Variants in RAB3GAP1 observed in about 807,000 individuals in gnomAD.
RAB3GAP1 encodes the protein RAB3 GTPase activating protein catalytic subunit 1.
A neutral mutation model predicts 130.7 loss-of-function variants in RAB3GAP1; 86 were observed. That is an observed-to-expected ratio of 0.66 (90% CI 0.55 to 0.79). The LOEUF is 0.79. RAB3GAP1 is among the 30% of genes least tolerant of loss of function. The probability of loss-of-function intolerance (pLI) is 0.00; values close to 1 mark genes in which losing one functional copy is unlikely to be tolerated. For synonymous variants in RAB3GAP1, 367 were observed against 401.7 expected, an observed-to-expected ratio of 0.91 and a Z score of 1.03; for missense variants, 1,029 against 1,169.4, an observed-to-expected ratio of 0.88 and a Z score of 1.75.
At chr2:135,105,924 C>A (rs1246249467) in intron 5 of RAB3GAP1, among the ~76,000 whole-genome samples, 1 of 151,340 alleles carries the variant, frequency 6.6e-6, no homozygotes, top group Non-Finnish European at 1.5e-5. Flanking sequence ...CCCGGCCGCC[C>A]CGTCTGAGAA....
chr2:135,133,657 T>C (rs1213492728), intron 14 of RAB3GAP1, among the ~76,000 whole-genome samples: 4 of 152,200 alleles, frequency 2.6e-5, no homozygotes, highest in African/African-American at 9.6e-5. Context: ...TATAGCTTTA[T>C]CTTTTTTAAT....
chr2:135,160,193 A>G (rs1355834809), intron 19 of RAB3GAP1, among the ~76,000 whole-genome samples: 8 of 152,220 alleles, frequency 5.3e-5, no homozygotes, highest in Admixed American at 5.2e-4. Flanking sequence ...AAATCTGAAT[A>G]CAGTATGGAA....
At chr2:135,070,595 C>T (rs1689442023) in intron 3 of RAB3GAP1, among the ~76,000 whole-genome samples, 1 of 152,098 alleles carries the variant, frequency 6.6e-6, no homozygotes, top group South Asian at 2.1e-4. Flanking sequence ...GCAACCTCTG[C>T]CTCCCAGGTT....
intron 2 of RAB3GAP1, among the ~76,000 whole-genome samples, chr2:135,053,719 A>G (rs183888323): frequency 1.4e-4 from 21 of 152,350 alleles, no homozygotes; most frequent in Middle Eastern, 3.4e-3. Flanking sequence ...GTCCAGAGCT[A>G]TATACAAAGG....
At chr2:135,091,395 ATAAG>A (rs1050125033) in intron 4 of RAB3GAP1, among the ~76,000 whole-genome samples, 2 of 152,170 alleles carry the variant, frequency 1.3e-5, no homozygotes, top group African/African-American at 2.4e-5. Flanking sequence ...GATAAGATAG[ATAAG>A]TAAGTAACCA....
intron 22 of RAB3GAP1, among the ~76,000 whole-genome samples, chr2:135,164,016 G>A (rs1219069028): frequency 6.6e-6 from 1 of 152,194 alleles, no homozygotes; most frequent in African/African-American, 2.4e-5. Flanking sequence ...TAGTGAGCAG[G>A]TGGTGCAGGT....
intron 5 of RAB3GAP1, among the ~76,000 whole-genome samples, chr2:135,112,506 A>G (rs1237159894): frequency 2.6e-5 from 4 of 152,128 alleles, no homozygotes; most frequent in Non-Finnish European, 5.9e-5. Flanking sequence ...AAAGTGTGAA[A>G]CCAGAAGAAA....
intron 18 of RAB3GAP1, among the ~76,000 whole-genome samples, chr2:135,151,483 G>C (rs1232462536): frequency 6.6e-6 from 1 of 152,198 alleles, no homozygotes; most frequent in African/African-American, 2.4e-5. Context: ...GCAGATTTAA[G>C]TGACAATAAA....
intron 7 of RAB3GAP1, among the ~76,000 whole-genome samples, chr2:135,118,539 T>A (rs985835568): frequency 2.0e-5 from 3 of 152,186 alleles, no homozygotes; most frequent in Admixed American, 1.3e-4. Flanking sequence ...GACTGTTGAT[T>A]TGGATATTTG....
rs748966815 is a variant in RAB3GAP1, at chr2:135,133,935, C to CA, written c.1403dup (p.Asn468LysfsTer20). 6.2e-7 allele frequency: 1 copy of CA among 1,613,844 alleles called. No individual in the cohort carries two copies. The highest frequency in any genetic ancestry group is 2.2e-5 in the East Asian group (1 of 44,860). Reference sequence around the variant, plus strand: ...AACTGGCTTTGTGTCTCTGTATGATCAATTTTTACCATGGAGGGTTGAAAG... The same window carrying CA: ...AACTGGCTTTGTGTCTCTGTATGATCAAATTTTTACCATGGAGGGTTGAAAG... On this transcript the variant is annotated frameshift_variant, in exon 15 of 24. Coordinates refer to ENST00000264158, the MANE Select transcript of RAB3GAP1 (RefSeq NM_012233.3). LOFTEE classifies it high-confidence loss of function.
At chr2:135,075,247 A>T (rs1440971824) in intron 3 of RAB3GAP1, among the ~76,000 whole-genome samples, 1 of 152,184 alleles carries the variant, frequency 6.6e-6, no homozygotes, top group Non-Finnish European at 1.5e-5. Context: ...AAATTCTTTC[A>T]TTAAAAAATT....
chr2:135,119,783 A>C (rs929213739), intron 7 of RAB3GAP1, among the ~76,000 whole-genome samples: 1 of 152,202 alleles, frequency 6.6e-6, no homozygotes, highest in African/African-American at 2.4e-5. Flanking sequence ...GCATCTGGAA[A>C]CTGGTTAGAT....
Position 135,169,544 on chromosome 2 carries a change from T to G in RAB3GAP1, c.*763T>G. 4.8e-6 allele frequency: 1 copy of G among 208,208 alleles called. No homozygotes were observed. Among genetic ancestry groups the G allele is most frequent in the Non-Finnish European group, 9.9e-6 (1 of 101,142 alleles). The allele number at this position is 208,208 out of a possible 1,614,324, so 12.9% of individuals were successfully genotyped here. On this transcript the variant is annotated 3_prime_UTR_variant, in exon 24 of 24. Transcript: ENST00000264158. ...GAAAATCGTCTCCCTCCCCTTCTCT[T>G]GCTGTACAGCATGCGTTCTCTTTTT...
chr2:135,091,155 T>C lies in RAB3GAP1; in HGVS notation c.283+25T>C, dbSNP rs571007527. 12 of 1,534,834 alleles carry C rather than the reference T, an allele frequency of 7.8e-6. No individual in the cohort carries two copies. The East Asian group carries it at 1.8e-4, about 23-fold the overall frequency. The stretch of plus-strand genomic sequence containing the variant: ...GGTAAGTTATTTCTATATAATAATA[T>C]TAACTTCTGATTTGTAGGAGTGGCT... On this transcript the variant is annotated intron_variant, in intron 4 of 23. Transcript: ENST00000264158.
At chr2:135,096,621 G>A (rs1407456170) in intron 5 of RAB3GAP1, among the ~76,000 whole-genome samples, 4 of 152,204 alleles carry the variant, frequency 2.6e-5, no homozygotes, top group East Asian at 1.9e-4. Flanking sequence ...CATGAGCTTT[G>A]TATGCATTAA....
intron 3 of RAB3GAP1, among the ~76,000 whole-genome samples, chr2:135,074,763 G>T (rs1244174543): frequency 6.6e-6 from 1 of 152,232 alleles, no homozygotes; most frequent in Non-Finnish European, 1.5e-5. Flanking sequence ...TTTAGAGAAA[G>T]TACGTAGATG....
chr2:135,141,621 G>A (rs1456015555), intron 17 of RAB3GAP1, among the ~76,000 whole-genome samples: 1 of 152,064 alleles, frequency 6.6e-6, no homozygotes, highest in Non-Finnish European at 1.5e-5. Flanking sequence ...AGTGCTTTTT[G>A]TGTTCTGCTT....
intron 15 of RAB3GAP1, 152 bp from the exon 16 acceptor site, chr2:135,135,113 C>T (rs1390111585): frequency 1.5e-6 from 1 of 673,864 alleles, no homozygotes; most frequent in Non-Finnish European, 2.7e-6. Flanking sequence ...ATTCTATGTG[C>T]TCCCCCTCTG....
rs1328044926 is a variant in RAB3GAP1, at chr2:135,169,485, T to C, written c.*704T>C. Reference sequence around the variant, plus strand: ...TGTCATGTGAGATTTGTCTTACTTATTTTTCTTTTGGTTGCCATGGAAGTT... The same window carrying C: ...TGTCATGTGAGATTTGTCTTACTTACTTTTCTTTTGGTTGCCATGGAAGTT... On this transcript the variant is annotated 3_prime_UTR_variant, in exon 24 of 24. Transcript: ENST00000264158. 5.4e-6 allele frequency: 1 copy of C among 185,756 alleles called. No individual in the cohort carries two copies. The highest frequency in any genetic ancestry group is 2.4e-5 in the African/African-American group (1 of 41,944). 11.5% of individuals were successfully genotyped at this position (185,756 alleles called of 1,614,324 possible). A position where few individuals can be genotyped will look rare whatever the true frequency, so the allele number is the denominator to read the frequency against.
Sources: gnomAD v4.1 joint callset for allele counts (sites outside exome capture counted in the v4.1 genomes callset) on GRCh38, gnomAD v4.1.1 for gene constraint, MANE v1.5 for transcripts, NCBI Gene and HGNC (gene_info 2026-07-23, HGNC 2026-07-21) for gene names.